The following DENND5B variants were observed in gnomAD, a reference collection of about 807,000 sequenced individuals.
DENND5B encodes the protein DENN domain containing 5B.
DENND5B carries 34 observed loss-of-function variants against 140.6 expected under a neutral mutation model. That is an observed-to-expected ratio of 0.24 (90% CI 0.18 to 0.32). The LOEUF (loss-of-function observed/expected upper bound fraction) is 0.32, where lower values mean the gene tolerates loss of function less well. Ranked by LOEUF, DENND5B falls within the 10% of genes least tolerant of loss-of-function variation. DENND5B has a pLI of 1.00. For missense variants in DENND5B, 1,142 were observed against 1,560.2 expected, an observed-to-expected ratio of 0.73 and a Z score of 4.52; for synonymous variants, 551 against 562.1, an observed-to-expected ratio of 0.98 and a Z score of 0.28.
intron 14 of DENND5B, among the ~76,000 whole-genome samples, chr12:31,403,889 T>C (rs1399053512): frequency 9.3e-5 from 4 of 43,152 alleles, no homozygotes; most frequent in East Asian, 9.9e-4. Flanking sequence ...GGAGTGAAAC[T>C]CCATCTCCAA....
chr12:31,578,217 T>C (rs929707476), intron 1 of DENND5B, among the ~76,000 whole-genome samples: 1 of 152,134 alleles, frequency 6.6e-6, no homozygotes, highest in Admixed American at 6.6e-5. Context: ...AGATCACCTT[T>C]TGGATCATTT....
chr12:31,447,885 C>T, intron 5 of DENND5B, 116 bp from the exon 6 acceptor site: 1 of 773,576 alleles, frequency 1.3e-6, no homozygotes, highest in South Asian at 2.1e-5. Flanking sequence ...ATAAAACTGA[C>T]ACTTGAAATT....
intron 1 of DENND5B, among the ~76,000 whole-genome samples, chr12:31,537,794 C>T (rs1428337399): frequency 1.3e-5 from 2 of 152,052 alleles, no homozygotes; most frequent in African/African-American, 2.4e-5. Flanking sequence ...TGGAAAAACA[C>T]ATTCCATGAC....
At chr12:31,564,077 C>T (rs1046306732) in intron 1 of DENND5B, among the ~76,000 whole-genome samples, 1 of 152,106 alleles carries the variant, frequency 6.6e-6, no homozygotes, top group Non-Finnish European at 1.5e-5. Flanking sequence ...AGAATCACAC[C>T]ACTGCACTCC....
intron 1 of DENND5B, among the ~76,000 whole-genome samples, chr12:31,578,278 T>C (rs1008391612): frequency 5.3e-5 from 8 of 152,158 alleles, no homozygotes; most frequent in African/African-American, 1.2e-4. Context: ...CATTGTATAA[T>C]TGAGAAAAGT....
chr12:31,549,528 TA>T (rs1425142152), intron 1 of DENND5B, among the ~76,000 whole-genome samples: 2 of 151,718 alleles, frequency 1.3e-5, no homozygotes, highest in Admixed American at 6.6e-5. Context: ...TTAATGTGAC[TA>T]TTTTTTTTAA....
At chr12:31,556,571 A>G (rs1179570450) in intron 1 of DENND5B, among the ~76,000 whole-genome samples, 1 of 152,218 alleles carries the variant, frequency 6.6e-6, no homozygotes, top group Non-Finnish European at 1.5e-5. Context: ...TTGCAGAACA[A>G]TATTAAGAAA....
At chr12:31,559,588 T>C (rs1949405460) in intron 1 of DENND5B, among the ~76,000 whole-genome samples, 1 of 152,224 alleles carries the variant, frequency 6.6e-6, no homozygotes, top group African/African-American at 2.4e-5. Context: ...AAGTTTTGCC[T>C]ATACTGTTTA....
At chr12:31,584,366 C>T (rs1335047487) in intron 1 of DENND5B, among the ~76,000 whole-genome samples, 1 of 152,204 alleles carries the variant, frequency 6.6e-6, no homozygotes, top group Non-Finnish European at 1.5e-5. Flanking sequence ...GGGGTTATCA[C>T]AGAGAATTTA....
rs976983917 is a variant in DENND5B at position 31,384,259 on chromosome 12, G to A, written c.*3344C>T. 3.3e-5 allele frequency: 5 copies of A among 152,132 alleles called. No homozygotes were observed. The highest frequency in any genetic ancestry group is 1.2e-4 in the African/African-American group (5 of 41,392). 9.4% of individuals were successfully genotyped at this position (152,132 alleles called of 1,614,324 possible). ...GCTGGACTCAAACTCCTGGGTTGAA[G>A]TGATCCTCCTGCCTTGGCTTCCCAA... On this transcript the variant is annotated 3_prime_UTR_variant, in exon 21 of 21. Transcript: ENST00000389082.
At chr12:31,404,132 G>C (rs79832584) in intron 14 of DENND5B, among the ~76,000 whole-genome samples, 2 of 151,742 alleles carry the variant, frequency 1.3e-5, no homozygotes, top group Admixed American at 1.3e-4. Context: ...GGATGAGGAG[G>C]GGGGATCCCT....
At position 31,480,251 on chromosome 12, in the gene DENND5B, C is replaced by T; in HGVS notation, c.242G>A (p.Cys81Tyr). The T allele has an allele frequency of 6.6e-7, 1 of 1,518,536 alleles. No individual in the cohort carries two copies. Among genetic ancestry groups the T allele is most frequent in the Non-Finnish European group, 8.8e-7 (1 of 1,137,256 alleles). The allele number at this position is 1,518,536 out of a possible 1,614,324, so 94.1% of individuals were successfully genotyped here. ...PFDQDAVNML[C>Y]MPKGLSFRTQ... ...CCTGAAAGATAGCCCTTTAGGCATG[C>T]ACAACTGTGAAAGAAAGAAAAAAAA... The change falls in exon 3 of 21, where the codon TGC (cysteine) becomes TAC (tyrosine). Residue 81 changes from cysteine (C) to tyrosine (Y), a missense_variant. By Grantham distance (194) the Cys-to-Tyr change is radical. Around this residue, in one of 5 missense-constraint regions of DENND5B, gnomAD observed 708 missense variants for 905.5 expected, o/e 0.78. Coordinates refer to ENST00000389082, the MANE Select transcript of DENND5B (RefSeq NM_144973.4).
Position 31,409,299 on chromosome 12 carries a change from C to T in DENND5B, c.2767G>A (p.Asp923Asn). 6.4e-7 allele frequency: 1 copy of T among 1,571,396 alleles called. No homozygotes were observed. Among genetic ancestry groups the T allele is most frequent in the Non-Finnish European group, 8.6e-7 (1 of 1,157,290 alleles). ...LYHLLSLNAV[D>N]YFCFTSVFTT... ...AACACACTGGTGAAGCAGAAATAGT[C>T]CACAGCATTGAGAGAAAGAAGGTGG... The change falls in exon 14 of 21, where the codon GAC (aspartate) becomes AAC (asparagine). Residue 923 changes from aspartate to asparagine, a missense_variant. Asp to Asn is a conservative substitution (Grantham distance 23). This residue lies in a region of DENND5B where 268 missense variants were observed against 349.2 expected (regional missense o/e 0.77). Coordinates refer to ENST00000389082, the MANE Select transcript of DENND5B (RefSeq NM_144973.4).
chr12:31,507,295 C>A (rs1947240422), intron 1 of DENND5B, among the ~76,000 whole-genome samples: 1 of 151,990 alleles, frequency 6.6e-6, no homozygotes, highest in Admixed American at 6.6e-5. Context: ...CGCCACCATG[C>A]CCAGATGAGT....
intron 1 of DENND5B, among the ~76,000 whole-genome samples, chr12:31,563,032 T>TG (rs1949528244): frequency 6.6e-6 from 1 of 151,980 alleles, no homozygotes; most frequent in Non-Finnish European, 1.5e-5. Context: ...GTGAGACAGA[T>TG]GGAGAGCCTG....
At chr12:31,419,612 A>G (rs908215356) in intron 11 of DENND5B, among the ~76,000 whole-genome samples, 1 of 152,152 alleles carries the variant, frequency 6.6e-6, no homozygotes, top group African/African-American at 2.4e-5. Context: ...TTAATAGATA[A>G]TTTCTGATGA....
At chr12:31,426,256 G>T in intron 9 of DENND5B, 37 bp downstream of exon 9, 1 of 1,582,866 alleles carries the variant, frequency 6.3e-7, no homozygotes, top group South Asian at 1.2e-5. Context: ...GTGTAAACAT[G>T]AATGCACACT....
intron 1 of DENND5B, among the ~76,000 whole-genome samples, chr12:31,575,752 G>A (rs940609115): frequency 1.3e-5 from 2 of 151,948 alleles, no homozygotes; most frequent in Admixed American, 6.6e-5. Flanking sequence ...CCAGGAGTTC[G>A]AGACAGCCTG....
chr12:31,455,237 C>T lies in DENND5B; in HGVS notation c.1093-2761G>A, dbSNP rs116131205. Among the ~76,000 whole-genome samples the T allele has an allele frequency of 8.1e-3, 1,232 of 152,256 alleles. 11 individuals carry two copies. The highest frequency in any genetic ancestry group is 0.028 in the African/African-American group (1,143 of 41,532). On this transcript the variant is annotated intron_variant, in intron 4 of 20. Transcript: ENST00000389082. Reference sequence around the variant, plus strand: ...CACCTTCACTAATGCCTTCCTACTACCTTTTTCTATCCCTCTCCTCCTCCT... The same window carrying T: ...CACCTTCACTAATGCCTTCCTACTATCTTTTTCTATCCCTCTCCTCCTCCT...
Sources: gnomAD v4.1 joint callset for allele counts (sites outside exome capture counted in the v4.1 genomes callset) on GRCh38, gnomAD v4.1.1 for gene constraint, gnomAD v4.1.1 regional missense constraint, MANE v1.5 for transcripts, NCBI Gene and HGNC (gene_info 2026-07-23, HGNC 2026-07-21) for gene names.